Variants in ZNF185 observed in about 807,000 individuals in gnomAD.
ZNF185 encodes the protein zinc finger protein 185 with LIM domain.
Under a neutral mutation model 58.6 loss-of-function variants are expected in ZNF185, and 56 were observed. That is an observed-to-expected ratio of 0.95 (90% CI 0.77 to 1.19). ZNF185 has a LOEUF of 1.19. Ranked by LOEUF, ZNF185 falls within the 50% of genes most tolerant of loss-of-function variation. The pLI is 0.00. For synonymous variants in ZNF185, 230 were observed against 215.9 expected (o/e 1.07, Z -0.57); for missense variants, 627 against 573.5 (o/e 1.09, Z -0.95).
At chrX:152,902,077 A>T in the ZNF185 span, among the ~76,000 whole-genome samples, 1 of 112,114 alleles carries the variant, frequency 8.9e-6, no homozygotes, top group East Asian at 2.8e-4. Context: ...CAGCCAAGAG[A>T]GCAATTCCTC....
intron 17 of ZNF185, 56 bp downstream of exon 19, chrX:152,959,952 GGCAGCAACCCAGGA>G: frequency 1.8e-6 from 2 of 1,120,139 alleles, no homozygotes; most frequent in Non-Finnish European, 2.4e-6. Context: ...TTTTGTCCAG[GGCAGCAACCCAGGA>G]CAAACCCCCA....
chrX:152,960,336 T>A (rs1419813704), intron 17 of ZNF185, among the ~76,000 whole-genome samples: 1 of 112,426 alleles, frequency 8.9e-6, no homozygotes, highest in African/African-American at 3.2e-5. Context: ...GGCCATGGAT[T>A]TGGACAGTAA....
chrX:152,941,846 G>A (rs986085761), intron 15 of ZNF185: 8 of 1,140,355 alleles, frequency 7.0e-6, no homozygotes, highest in African/African-American at 1.8e-5. Context: ...GTCTGAAGCC[G>A]CGGCCAGAGT....
At chrX:152,958,987 C>T (rs1313644943) in intron 16 of ZNF185, among the ~76,000 whole-genome samples, 2 of 112,178 alleles carry the variant, frequency 1.8e-5, no homozygotes, top group Non-Finnish European at 3.8e-5. Context: ...GGAAATGAGA[C>T]GATCAACAAA....
intron 15 of ZNF185, among the ~76,000 whole-genome samples, chrX:152,943,481 AACCACTTG>A (rs1490447779): frequency 1.8e-5 from 2 of 112,210 alleles, no homozygotes; most frequent in Admixed American, 1.9e-4. Flanking sequence ...GCCTATCTCT[AACCACTTG>A]ACTTCCAGGA....
At chrX:152,937,140 G>A (rs1353166617) in intron 14 of ZNF185, among the ~76,000 whole-genome samples, 1 of 110,936 alleles carries the variant, frequency 9.0e-6, no homozygotes, top group Non-Finnish European at 1.9e-5. Context: ...AGAGGTGTAG[G>A]TCAGGTAAGG....
At chrX:152,950,066 T>C (rs2048154353) in intron 16 of ZNF185, among the ~76,000 whole-genome samples, 1 of 112,051 alleles carries the variant, frequency 8.9e-6, no homozygotes, top group Non-Finnish European at 1.9e-5. Context: ...ATTTGGGGGA[T>C]AAAGGAAGAA....
At chrX:152,931,681 A>G (rs1556877402) in exon 13 of ZNF185, 4 of 1,208,496 alleles carry the variant, frequency 3.3e-6, no homozygotes, top group Non-Finnish European at 4.5e-6. Context: ...GGTCTTCCCC[A>G]GGCAACAAAG....
the ZNF185 span, among the ~76,000 whole-genome samples, chrX:152,899,412 C>T: frequency 8.9e-6 from 1 of 112,859 alleles, no homozygotes; most frequent in Non-Finnish European, 1.9e-5. Context: ...AGATGAGGGG[C>T]CAGCCTTCTG....
At chrX:152,935,380 C>T (rs782803400) in intron 14 of ZNF185, among the ~76,000 whole-genome samples, 12 of 109,334 alleles carry the variant, frequency 1.1e-4, no homozygotes, top group East Asian at 2.9e-4. Context: ...GGACTACAGG[C>T]GCCCGCCACC....
chrX:152,950,030 C>T lies in ZNF185; in HGVS notation c.1409+4566C>T, dbSNP rs140946280. On this transcript the variant is annotated intron_variant, in intron 16 of 22. Transcript: ENST00000449285. ...ACTCCACTGTTTCCATCATTTCAGA[C>T]GACTGGGGATGATAAGGACAATGTA... Among the ~76,000 whole-genome samples the T allele has an allele frequency of 6.5e-3, 722 of 111,597 alleles. 9 individuals carry two copies. The highest frequency in any genetic ancestry group is 0.021 in the African/African-American group (647 of 30,645).
At chrX:152,936,542 C>G (rs1556881973) in intron 14 of ZNF185, 29 bp downstream of exon 16, 5 of 1,131,356 alleles carry the variant, frequency 4.4e-6, no homozygotes, top group South Asian at 3.9e-5. Context: ...CCCTAGTGCC[C>G]TATCCCATTG....
chrX:152,922,686 C>A, intron 10 of ZNF185, 34 bp from the exon 12 acceptor site: 1 of 1,150,460 alleles, frequency 8.7e-7, no homozygotes, highest in South Asian at 1.9e-5. Context: ...GCTCTGACAT[C>A]TCCAGAGCCT....
chrX:152,947,350 T>C (rs1458073515), intron 16 of ZNF185, among the ~76,000 whole-genome samples: 4 of 111,166 alleles, frequency 3.6e-5, no homozygotes, highest in African/African-American at 1.3e-4. Context: ...GCCACTGTAC[T>C]CCAGCCTGGG....
intron 5 of ZNF185, 99 bp from the exon 7 acceptor site, chrX:152,917,966 G>A: frequency 1.8e-6 from 2 of 1,141,028 alleles, no homozygotes; most frequent in South Asian, 4.1e-5. Flanking sequence ...CTCCCAGGCA[G>A]CTCCTGGTCC....
At chrX:152,967,322 T>C in intron 20 of ZNF185, 84 bp downstream of exon 22, 2 of 982,702 alleles carry the variant, frequency 2.0e-6, no homozygotes. Flanking sequence ...TCTGTTTGCT[T>C]TTGTCTTCTG....
At chrX:152,920,531 A>G in intron 8 of ZNF185, 120 bp downstream of exon 9, 1 of 937,073 alleles carries the variant, frequency 1.1e-6, no homozygotes, top group South Asian at 2.3e-5. Flanking sequence ...TTCCTAGCTG[A>G]GCCTTCTCAG....
exon 15 of ZNF185, chrX:152,938,085 C>G: frequency 5.1e-6 from 6 of 1,178,686 alleles, no homozygotes; most frequent in Non-Finnish European, 6.8e-6. Context: ...TCCAGTGCCA[C>G]TTCAGTCTCT....
intron 11 of ZNF185, among the ~76,000 whole-genome samples, chrX:152,923,213 TC>T (rs1940131932): frequency 8.9e-6 from 1 of 111,906 alleles, no homozygotes; most frequent in South Asian, 3.7e-4. Flanking sequence ...AGAGGGCCTG[TC>T]CCTACCGGTC....
Sources: gnomAD v4.1 joint callset for allele counts (sites outside exome capture counted in the v4.1 genomes callset) on GRCh38, gnomAD v4.1.1 for gene constraint, MANE v1.5 for transcripts, NCBI Gene and HGNC (gene_info 2026-07-23, HGNC 2026-07-21) for gene names.